Variants in NFIB observed in about 807,000 individuals in gnomAD.
The protein encoded by NFIB is nuclear factor I B, also known as nuclear factor 1 B-type.
In NFIB, 11 loss-of-function variants were observed where a neutral mutation model predicts 61.5. The observed-to-expected ratio is 0.18, with a 90% confidence interval of 0.11 to 0.30. NFIB has a LOEUF of 0.30. Ranked by LOEUF, NFIB falls within the 10% of genes least tolerant of loss-of-function variation. The probability of loss-of-function intolerance (pLI) is 1.00; values close to 1 mark genes in which losing one functional copy is unlikely to be tolerated. For missense variants in NFIB, 471 were observed against 608.9 expected, an observed-to-expected ratio of 0.77 and a Z score of 2.38; for synonymous variants, 260 against 216.5, an observed-to-expected ratio of 1.20 and a Z score of -1.76.
chr9:14,353,935 C>T (rs528298650), intron 1 of NFIB, among the ~76,000 whole-genome samples: 2 of 147,854 alleles, frequency 1.4e-5, no homozygotes, highest in East Asian at 2.0e-4. Context: ...GTGGAAAGTA[C>T]GCTCATCTGA....
At chr9:14,361,484 C>T (rs950362731) in intron 1 of NFIB, 4 of 152,162 alleles carry the variant, frequency 2.6e-5, no homozygotes, top group African/African-American at 9.7e-5. Flanking sequence ...TGAATATTTT[C>T]ATGAACAAGC....
chr9:14,428,464 A>T, the NFIB span, among the ~76,000 whole-genome samples: 1 of 151,934 alleles, frequency 6.6e-6, no homozygotes, highest in Non-Finnish European at 1.5e-5. Flanking sequence ...TATGTTTTGG[A>T]GATTGGGGGG....
chr9:14,192,474 C>G (rs1336845768), intron 2 of NFIB, among the ~76,000 whole-genome samples: 2 of 152,106 alleles, frequency 1.3e-5, no homozygotes, highest in African/African-American at 4.8e-5. Context: ...GTCCTCAGAT[C>G]CATCCTGAAC....
chr9:14,529,251 A>T, the NFIB span, among the ~76,000 whole-genome samples: 2 of 152,284 alleles, frequency 1.3e-5, no homozygotes, highest in Non-Finnish European at 2.9e-5. Context: ...AGTAGAATTT[A>T]TGATCATTGT....
chr9:14,292,246 T>A (rs944123548), intron 2 of NFIB, among the ~76,000 whole-genome samples: 2 of 152,138 alleles, frequency 1.3e-5, no homozygotes, highest in East Asian at 1.9e-4. Context: ...AGACTCAGTA[T>A]CCCAAACTGT....
At chr9:14,421,084 CAA>C in the NFIB span, among the ~76,000 whole-genome samples, 12 of 135,800 alleles carry the variant, frequency 8.8e-5, no homozygotes, top group South Asian at 2.4e-4. Flanking sequence ...GGATCTTTGG[CAA>C]AAAAAAAAAA....
chr9:14,309,553 G>A (rs17213755), intron 1 of NFIB, among the ~76,000 whole-genome samples: 7,531 of 152,254 alleles, frequency 0.049, 255 homozygotes, highest in Non-Finnish European at 0.076. Context: ...GTTACTATGC[G>A]AGCACATTAA....
intron 5 of NFIB, among the ~76,000 whole-genome samples, chr9:14,147,029 T>C (rs896510124): frequency 2.4e-4 from 36 of 152,156 alleles, no homozygotes; most frequent in African/African-American, 8.7e-4. Context: ...GTCTAACAAA[T>C]ATGGTGTTCA....
Position 14,322,302 on chromosome 9 carries a change from T to C in NFIB, c.109-14782A>G, listed in dbSNP as rs1382319025. ...CTTGAACGCCGTCCAGGATGGTGTG[T>C]GTGTGTGCGCCCGCGTGTGCGTGTG... On this transcript the variant is annotated intron_variant, in intron 1 of 8. Transcript: ENST00000380934. 9.5e-6 allele frequency: 3 copies of C among 314,454 alleles called. No homozygotes were observed. In the Admixed American group the frequency reaches 1.5e-4, roughly 16 times the overall value. The allele number at this position is 314,454 out of a possible 1,614,324, so 19.5% of individuals were successfully genotyped here. A position where few individuals can be genotyped will look rare whatever the true frequency, so the allele number is the denominator to read the frequency against.
At chr9:14,263,298 A>T (rs1225616264) in intron 2 of NFIB, among the ~76,000 whole-genome samples, 1 of 151,872 alleles carries the variant, frequency 6.6e-6, no homozygotes, top group Non-Finnish European at 1.5e-5. Context: ...TTTTTCATAA[A>T]AGCTACGAAC....
At chr9:14,386,741 C>A (rs919017706) in intron 1 of NFIB, among the ~76,000 whole-genome samples, 1 of 152,088 alleles carries the variant, frequency 6.6e-6, no homozygotes, top group Admixed American at 6.6e-5. Flanking sequence ...ATTGTATAGA[C>A]AAAGTACCAG....
intron 2 of NFIB, among the ~76,000 whole-genome samples, chr9:14,218,222 A>T (rs1385201415): frequency 6.6e-6 from 1 of 152,360 alleles, no homozygotes; most frequent in South Asian, 2.1e-4. Flanking sequence ...AGGGACAGAC[A>T]TTATCACCAT....
chr9:14,112,986 G>A lies in NFIB; in HGVS notation c.1467+13C>T. ...CGTGGCTACACCGTCACACCTGGGT[G>A]AAACTTGCCCACCTGTTGCTGATGT... is the stretch of plus-strand genomic sequence containing the variant. On this transcript the variant is annotated intron_variant, in intron 10 of 10. Coordinates refer to ENST00000380953, the MANE Select transcript of NFIB (RefSeq NM_001190737.2). The A allele has an allele frequency of 1.3e-6, 2 of 1,549,648 alleles. No homozygotes were observed. The highest frequency in any genetic ancestry group is 1.2e-5 in the South Asian group (1 of 83,972).
chr9:14,346,766 G>A (rs2061028122), intron 1 of NFIB, among the ~76,000 whole-genome samples: 1 of 152,194 alleles, frequency 6.6e-6, no homozygotes, highest in Non-Finnish European at 1.5e-5. Context: ...TGCGCAAGGA[G>A]TTATAGAACC....
In NFIB at chr9:14,195,895, CT is replaced by C. The variant is rs147407496; in HGVS notation, c.563-16116del. Among the ~76,000 whole-genome samples, 136 of 148,710 alleles carry C rather than the reference CT, an allele frequency of 9.1e-4. 3 individuals carry two copies. In the East Asian group the frequency reaches 0.022, roughly 24 times the overall value. On this transcript the variant is annotated intron_variant, in intron 2 of 10. Coordinates refer to ENST00000380953, the MANE Select transcript of NFIB (RefSeq NM_001190737.2). ...GGTATTTAAGAAAATGTTTTTTAAA[CT>C]TTTTTTTTTGCAAAAGAAAATGCAT... is the stretch of plus-strand genomic sequence containing the variant.
At chr9:14,154,249 C>T (rs1343675024) in intron 4 of NFIB, among the ~76,000 whole-genome samples, 1 of 152,036 alleles carries the variant, frequency 6.6e-6, no homozygotes, top group African/African-American at 2.4e-5. Flanking sequence ...TTTCTGACAG[C>T]TGACTCTACT....
chr9:14,142,868 G>C (rs937216864), intron 6 of NFIB, among the ~76,000 whole-genome samples: 4 of 152,116 alleles, frequency 2.6e-5, no homozygotes, highest in Non-Finnish European at 4.4e-5. Flanking sequence ...ACTAAGCAAG[G>C]AGAAATATTC....
intron 1 of NFIB, among the ~76,000 whole-genome samples, chr9:14,374,715 GC>G (rs955385500): frequency 6.6e-6 from 1 of 152,158 alleles, no homozygotes; most frequent in African/African-American, 2.4e-5. Context: ...TTCGAGACCA[GC>G]CTGGCCAACA....
At position 14,179,646 on chromosome 9, in the gene NFIB, A is replaced by T. The variant is rs1168267166; in HGVS notation, c.616+81T>A. The T allele has an allele frequency of 7.4e-6, 11 of 1,485,794 alleles. No individual in the cohort carries two copies. The East Asian group carries it at 2.5e-4, about 34-fold the overall frequency. 92.0% of individuals were successfully genotyped at this position (1,485,794 alleles called of 1,614,324 possible). On this transcript the variant is annotated intron_variant, in intron 3 of 10. Coordinates refer to ENST00000380953, the MANE Select transcript of NFIB (RefSeq NM_001190737.2). ...CCAGAACAAAATAGGCAGCTGACCA[A>T]TTATGGGGTGTTTATCTATACAGTG...
Sources: gnomAD v4.1 joint callset for allele counts (sites outside exome capture counted in the v4.1 genomes callset) on GRCh38, gnomAD v4.1.1 for gene constraint, MANE v1.5 for transcripts, NCBI Gene and HGNC (gene_info 2026-07-23, HGNC 2026-07-21) for gene names.